Variants in MYO9A observed in about 807,000 individuals in gnomAD.
MYO9A encodes myosin IXA, also known as unconventional myosin-IXa.
A neutral mutation model predicts 293.3 loss-of-function variants in MYO9A; 103 were observed. The ratio of observed to expected loss-of-function variants is 0.35; its 90% CI spans 0.30 to 0.41. The LOEUF (loss-of-function observed/expected upper bound fraction) is 0.41. MYO9A is among the 10% of genes least tolerant of loss of function. The pLI is 1.00. For missense variants in MYO9A, 2,685 were observed against 3,033.0 expected, an observed-to-expected ratio of 0.89 and a Z score of 2.69; for synonymous variants, 1,001 against 1,035.7, an observed-to-expected ratio of 0.97 and a Z score of 0.64.
chr15:72,035,248 A>G (rs553953330), intron 2 of MYO9A, among the ~76,000 whole-genome samples: 3 of 152,240 alleles, frequency 2.0e-5, no homozygotes, highest in African/African-American at 4.8e-5. Context: ...ACTCTTAACA[A>G]TATGACCCAG....
intron 9 of MYO9A, among the ~76,000 whole-genome samples, chr15:71,996,018 T>C (rs903297826): frequency 6.6e-6 from 1 of 152,170 alleles, no homozygotes; most frequent in African/African-American, 2.4e-5. Flanking sequence ...TTTATTGTTG[T>C]GGAGTTTTAG....
intron 12 of MYO9A, among the ~76,000 whole-genome samples, chr15:71,972,664 A>G (rs2076042713): frequency 6.6e-6 from 1 of 152,132 alleles, no homozygotes; most frequent in African/African-American, 2.4e-5. Context: ...GCAGAGGAAA[A>G]CATGGTTTTA....
Position 71,827,011 on chromosome 15 carries a change from C to T in MYO9A, c.7216G>A (p.Ala2406Thr), listed in dbSNP as rs181916530. Residue 2406 changes from alanine (A) to threonine (T), a missense_variant, in exon 42 of 42, where the codon GCT (alanine) becomes ACT (threonine). By Grantham distance (58) the Ala-to-Thr change is moderately conservative. Coordinates refer to ENST00000356056, the MANE Select transcript of MYO9A (RefSeq NM_006901.4). ...TTGCTGGAAGGTTCAGACTTGCCAG[C>T]TGTCTTCAGGGAGCTAAGGGCTAAG... ...RSLALSSLKT[A>T]GKSEPSSKLR... The T allele has an allele frequency of 6.2e-7, 1 of 1,605,010 alleles. No individual in the cohort carries two copies. The highest frequency in any genetic ancestry group is 1.1e-5 in the South Asian group (1 of 89,382).
At chr15:71,947,500 C>G (rs1435003346) in intron 15 of MYO9A, among the ~76,000 whole-genome samples, 1 of 152,042 alleles carries the variant, frequency 6.6e-6, no homozygotes, top group Non-Finnish European at 1.5e-5. Context: ...TCTTTCAGAT[C>G]AAAAAACTTC....
At chr15:71,975,015 A>G (rs1316983972) in intron 12 of MYO9A, among the ~76,000 whole-genome samples, 2 of 152,232 alleles carry the variant, frequency 1.3e-5, no homozygotes, top group Non-Finnish European at 2.9e-5. Context: ...AGAGCAAGAG[A>G]TGACACTGTC....
rs1449775358 is a variant in MYO9A, at chr15:72,054,306, CAAG to C, written c.-71-7675_-71-7673del. Among the ~76,000 whole-genome samples the C allele has an allele frequency of 3.3e-5, 5 of 152,030 alleles. No homozygotes were observed. The East Asian group carries it at 7.7e-4, about 23-fold the overall frequency. On this transcript the variant is annotated intron_variant, in intron 1 of 41. Transcript: ENST00000356056. ...AGAAGTACAAAACAGAAAAAGATTA[CAAG>C]AAGTTAAGGAGGAAGCCACAGAGTG...
At chr15:71,879,592 A>G in intron 30 of MYO9A, 129 bp downstream of exon 30, 1 of 649,900 alleles carries the variant, frequency 1.5e-6, no homozygotes, top group Middle Eastern at 2.6e-4. Context: ...TTCCTTGTCT[A>G]TCCCTAAAAC....
chr15:72,012,324 T>C (rs1384139284), intron 6 of MYO9A, among the ~76,000 whole-genome samples: 1 of 152,114 alleles, frequency 6.6e-6, no homozygotes, highest in Non-Finnish European at 1.5e-5. Context: ...AGATGGAGTG[T>C]CGCACTTGTT....
intron 18 of MYO9A, among the ~76,000 whole-genome samples, chr15:71,931,040 T>C (rs530418613): frequency 2.6e-5 from 4 of 152,362 alleles, no homozygotes; most frequent in Middle Eastern, 3.4e-3. Context: ...TCACAAACTA[T>C]TGTAGCTGCC....
At chr15:72,057,742 A>G (rs750604664) in intron 1 of MYO9A, among the ~76,000 whole-genome samples, 9 of 152,240 alleles carry the variant, frequency 5.9e-5, no homozygotes, top group Non-Finnish European at 8.8e-5. Context: ...TGCATAAAAG[A>G]AGGCTCTGCA....
Position 72,075,212 on chromosome 15 carries a change from C to T in MYO9A, c.-71-28578G>A, listed in dbSNP as rs969235245. On this transcript the variant is annotated intron_variant, in intron 1 of 41. Coordinates refer to ENST00000356056, the MANE Select transcript of MYO9A (RefSeq NM_006901.4). ...AACTCCTGACCTCAAGTGATCCACCCGCCTCGGCTTCCCAAAGTGCTGGGA... is the reference window on the plus strand; with the variant it reads ...AACTCCTGACCTCAAGTGATCCACCTGCCTCGGCTTCCCAAAGTGCTGGGA... 3.9e-5 allele frequency among the ~76,000 whole-genome samples: 6 copies of T among 151,954 alleles called. No homozygotes were observed. In the East Asian group the frequency reaches 7.7e-4, roughly 20 times the overall value.
intron 1 of MYO9A, among the ~76,000 whole-genome samples, chr15:72,102,726 C>T (rs1393404855): frequency 1.3e-5 from 2 of 151,900 alleles, no homozygotes; most frequent in Non-Finnish European, 2.9e-5. Flanking sequence ...ATCTACAAAG[C>T]CTACACCATG....
At chr15:71,917,004 A>C (rs2144790812) in intron 18 of MYO9A, among the ~76,000 whole-genome samples, 1 of 152,356 alleles carries the variant, frequency 6.6e-6, no homozygotes, top group East Asian at 1.9e-4. Context: ...CACCACAGGC[A>C]GTATGTACCG....
intron 31 of MYO9A, among the ~76,000 whole-genome samples, chr15:71,876,638 G>A (rs1397925632): frequency 6.6e-6 from 1 of 150,706 alleles, no homozygotes; most frequent in Non-Finnish European, 1.5e-5. Context: ...GTTTCACTAT[G>A]TTGGCCAGTC....
chr15:72,042,027 A>AC (rs2078242133), intron 2 of MYO9A, among the ~76,000 whole-genome samples: 1 of 151,314 alleles, frequency 6.6e-6, no homozygotes, highest in African/African-American at 2.4e-5. Context: ...AAAAAAAAAA[A>AC]AACCAGTTCT....
chr15:72,020,823 T>C, intron 5 of MYO9A, 95 bp downstream of exon 5: 4 of 648,020 alleles, frequency 6.2e-6, no homozygotes, highest in Non-Finnish European at 9.4e-6. Context: ...AGCTAATCCA[T>C]TCCTAGGTTT....
At chr15:71,911,272 T>C (rs2057842126) in intron 19 of MYO9A, among the ~76,000 whole-genome samples, 1 of 152,244 alleles carries the variant, frequency 6.6e-6, no homozygotes, top group South Asian at 2.1e-4. Flanking sequence ...GACTAATGAC[T>C]AAATTCTTAG....
At chr15:71,969,044 A>G (rs2957734) in intron 12 of MYO9A, among the ~76,000 whole-genome samples, 101,614 of 152,014 alleles carry the variant, frequency 0.67, 34,669 homozygotes, top group Middle Eastern at 0.74. Context: ...CATAGTTTAC[A>G]TTACGCATTC....
chr15:72,041,479 C>G, intron 2 of MYO9A: 1 of 355,568 alleles, frequency 2.8e-6, no homozygotes, highest in Non-Finnish European at 5.5e-6. Flanking sequence ...GCAATTCCAA[C>G]AAGGTGAACC....
Sources: gnomAD v4.1 joint callset for allele counts (sites outside exome capture counted in the v4.1 genomes callset) on GRCh38, gnomAD v4.1.1 for gene constraint, MANE v1.5 for transcripts, NCBI Gene and HGNC (gene_info 2026-07-23, HGNC 2026-07-21) for gene names.